Variants in FAM227B observed in about 807,000 individuals in gnomAD.
FAM227B encodes protein FAM227B.
In FAM227B, 88 loss-of-function variants were observed where a neutral mutation model predicts 73.8. That is an observed-to-expected ratio of 1.19 (90% CI 1.00 to 1.42). The LOEUF (loss-of-function observed/expected upper bound fraction) is 1.42, where lower values mean the gene tolerates loss of function less well. FAM227B is among the 40% of genes most tolerant of loss of function. The pLI, the probability that FAM227B is intolerant of heterozygous loss-of-function variation, is 0.00. For missense variants in FAM227B, 632 were observed against 590.9 expected (o/e 1.07, Z -0.72); for synonymous variants, 210 against 190.5 (o/e 1.10, Z -0.84).
At chr15:49,530,423 C>T (rs1443281314) in intron 10 of FAM227B, among the ~76,000 whole-genome samples, 2 of 151,664 alleles carry the variant, frequency 1.3e-5, no homozygotes, top group African/African-American at 4.8e-5. Flanking sequence ...CTAAAGTAAA[C>T]AAAAACTGAT....
intron 11 of FAM227B, among the ~76,000 whole-genome samples, chr15:49,451,664 C>T (rs2052755999): frequency 1.3e-5 from 2 of 152,074 alleles, no homozygotes; most frequent in African/African-American, 4.8e-5. Context: ...CAGCACAAGC[C>T]AAACTGAACT....
In FAM227B at chr15:49,498,919, C is replaced by A. The variant is rs7172005; in HGVS notation, c.1012+9292G>T. ...CGGTGGCTCACGCCTGTAATCCCAGCACTTTGGGAGGCCGAGGCGGGCGGA... is the reference window on the plus strand; with the variant it reads ...CGGTGGCTCACGCCTGTAATCCCAGAACTTTGGGAGGCCGAGGCGGGCGGA... On this transcript the variant is annotated intron_variant, in intron 11 of 15. Transcript: ENST00000299338. 7.8e-3 allele frequency among the ~76,000 whole-genome samples: 1,182 copies of A among 152,026 alleles called. 18 individuals carry two copies. The highest frequency in any genetic ancestry group is 0.027 in the African/African-American group (1,116 of 41,484).
intron 10 of FAM227B, among the ~76,000 whole-genome samples, chr15:49,516,380 G>A (rs1046917747): frequency 5.3e-5 from 8 of 151,872 alleles, no homozygotes; most frequent in African/African-American, 1.9e-4. Context: ...TTGATTTTAT[G>A]GCAAAGTACT....
chr15:49,510,497 T>G (rs1259341233), intron 10 of FAM227B, among the ~76,000 whole-genome samples: 1 of 152,184 alleles, frequency 6.6e-6, no homozygotes, highest in East Asian at 1.9e-4. Context: ...AAATTGCCTT[T>G]GAATACATTC....
chr15:49,434,654 G>A (rs1195746763), intron 11 of FAM227B: 2 of 151,490 alleles, frequency 1.3e-5, no homozygotes, highest in Admixed American at 6.6e-5. Flanking sequence ...ACTCACCAAG[G>A]TAAAGGTTTT....
intron 10 of FAM227B, among the ~76,000 whole-genome samples, chr15:49,539,708 G>C (rs984640095): frequency 6.6e-6 from 1 of 152,194 alleles, no homozygotes; most frequent in Non-Finnish European, 1.5e-5. Flanking sequence ...TCCAGAGCAT[G>C]GGCATGTGCA....
intron 10 of FAM227B, among the ~76,000 whole-genome samples, chr15:49,528,182 T>C (rs1369392226): frequency 1.3e-5 from 2 of 151,668 alleles, no homozygotes; most frequent in African/African-American, 2.4e-5. Flanking sequence ...ATAGAGAACC[T>C]ATAAATAAAC....
At chr15:49,525,397 T>C (rs538366992) in intron 10 of FAM227B, among the ~76,000 whole-genome samples, 1 of 152,220 alleles carries the variant, frequency 6.6e-6, no homozygotes, top group East Asian at 1.9e-4. Flanking sequence ...CACAGCCATA[T>C]GGAACTGTAA....
chr15:49,328,774 ATT>A (rs3075141), intron 15 of FAM227B, 99 bp from the exon 16 acceptor site: 208,729 of 1,149,858 alleles, frequency 0.18, 816 homozygotes, highest in Middle Eastern at 0.22. Context: ...GAGACTAAGG[ATT>A]TTTTTTTTTT....
At chr15:49,519,843 T>C (rs2059655887) in intron 10 of FAM227B, among the ~76,000 whole-genome samples, 1 of 152,196 alleles carries the variant, frequency 6.6e-6, no homozygotes, top group Non-Finnish European at 1.5e-5. Context: ...CTGCAGCTGG[T>C]TTGAATTTCT....
chr15:49,509,921 A>G (rs74012394), intron 10 of FAM227B, among the ~76,000 whole-genome samples: 2 of 152,098 alleles, frequency 1.3e-5, no homozygotes, highest in Non-Finnish European at 2.9e-5. Context: ...CATTTTATAA[A>G]ATTTATACAG....
chr15:49,529,986 C>A (rs2060490319), intron 10 of FAM227B, among the ~76,000 whole-genome samples: 1 of 151,616 alleles, frequency 6.6e-6, no homozygotes, highest in South Asian at 2.1e-4. Context: ...GGCACAGATG[C>A]ACCATAGTTT....
At chr15:49,525,628 TAC>T (rs1342104744) in intron 10 of FAM227B, among the ~76,000 whole-genome samples, 1 of 123,576 alleles carries the variant, frequency 8.1e-6, no homozygotes, top group African/African-American at 2.8e-5. Flanking sequence ...ATCAAATGTG[TAC>T]AGATACCTAG....
chr15:49,482,203 T>C (rs527964524), intron 11 of FAM227B, among the ~76,000 whole-genome samples: 1 of 152,186 alleles, frequency 6.6e-6, no homozygotes, highest in African/African-American at 2.4e-5. Context: ...TACATTAAAA[T>C]TTTAATTATT....
rs1476126706 is a variant in FAM227B at position 49,371,339 on chromosome 15, G to C, written c.1073C>G (p.Ser358Cys). 4 of 1,602,048 alleles carry C rather than the reference G, an allele frequency of 2.5e-6. No homozygotes were observed. The highest frequency in any genetic ancestry group is 3.4e-6 in the Non-Finnish European group (4 of 1,171,982). ...TCTTGATAATCTTGATTCTTCCTTGGATATGGGCAACGTATATGCTCTTGG... is the reference window on the plus strand; with the variant it reads ...TCTTGATAATCTTGATTCTTCCTTGCATATGGGCAACGTATATGCTCTTGG... ...NNPRAYTLPI[S>C]KEESRLSRLA... is the part of the protein sequence containing the mutation. The change falls in exon 12 of 16, where the codon TCC becomes TGC. Residue 358 changes from serine to cysteine, a missense_variant. Physicochemically the swap from Ser to Cys is moderately radical, Grantham distance 112 (BLOSUM62 -1). Coordinates refer to ENST00000299338, the MANE Select transcript of FAM227B (RefSeq NM_152647.3).
chr15:49,430,304 G>C (rs1461404162), intron 11 of FAM227B, among the ~76,000 whole-genome samples: 1 of 151,758 alleles, frequency 6.6e-6, no homozygotes, highest in Non-Finnish European at 1.5e-5. Context: ...GTTGCAGTAG[G>C]GTACTTGAAG....
intron 11 of FAM227B, among the ~76,000 whole-genome samples, chr15:49,438,846 T>G (rs373650863): frequency 8.4e-6 from 1 of 119,044 alleles, no homozygotes. Context: ...AGAGAGAGAG[T>G]GGGTGGTAAG....
chr15:49,568,199 A>T (rs1322280522), intron 9 of FAM227B, 46 bp downstream of exon 9: 1 of 1,466,250 alleles, frequency 6.8e-7, no homozygotes, highest in Non-Finnish European at 9.3e-7. Flanking sequence ...TTTCTATTTC[A>T]TTCACTTTAA....
intron 11 of FAM227B, among the ~76,000 whole-genome samples, chr15:49,437,959 A>T (rs2899435): frequency 6.6e-6 from 1 of 151,254 alleles, no homozygotes; most frequent in Non-Finnish European, 1.5e-5. Context: ...CTCAAAGAGC[A>T]GGTGGGAGTG....
Sources: gnomAD v4.1 joint callset for allele counts (sites outside exome capture counted in the v4.1 genomes callset) on GRCh38, gnomAD v4.1.1 for gene constraint, MANE v1.5 for transcripts, NCBI Gene and HGNC (gene_info 2026-07-23, HGNC 2026-07-21) for gene names.